Variants in ZFYVE26 observed in about 807,000 individuals in gnomAD.
The protein encoded by ZFYVE26 is zinc finger FYVE domain-containing protein 26.
Under a neutral mutation model 276.5 loss-of-function variants are expected in ZFYVE26, and 181 were observed. The observed-to-expected ratio is 0.65, with a 90% CI of 0.58 to 0.74. The LOEUF (loss-of-function observed/expected upper bound fraction) is 0.74, where lower values mean the gene tolerates loss of function less well. Among genes scored for constraint, ZFYVE26 ranks in the 30% least tolerant of loss-of-function variants. ZFYVE26 has a pLI of 0.00. For synonymous variants in ZFYVE26, 1,129 were observed against 1,203.1 expected, an observed-to-expected ratio of 0.94 and a Z score of 1.27; for missense variants, 2,821 against 3,097.9, an observed-to-expected ratio of 0.91 and a Z score of 2.12.
Position 67,775,914 on chromosome 14 carries a change from T to C in ZFYVE26, c.5167A>G (p.Arg1723Gly). 2 of 1,614,226 alleles carry C rather than the reference T, an allele frequency of 1.2e-6. No homozygotes were observed. The highest frequency in any genetic ancestry group is 1.7e-6 in the Non-Finnish European group (2 of 1,180,038). ...TMDEVDSLLS[R>G]YAEKALDFPY... The stretch of plus-strand genomic sequence containing the variant: ...AAGTCCAGGGCTTTCTCTGCGTATC[T>C]GGAAAGCAGTGAGTCCACCTCGTCC... Residue 1723 changes from arginine to glycine, a missense_variant, in exon 26 of 42, where the codon AGA becomes GGA. Physicochemically the swap from Arg to Gly is moderately radical, Grantham distance 125 (BLOSUM62 -2). Coordinates refer to ENST00000347230, the MANE Select transcript of ZFYVE26 (RefSeq NM_015346.4).
intron 13 of ZFYVE26, among the ~76,000 whole-genome samples, chr14:67,736,161 C>T (rs934980185): frequency 3.9e-5 from 6 of 152,300 alleles, no homozygotes; most frequent in Non-Finnish European, 5.9e-5. Context: ...AGAACTCAAG[C>T]GCCAAGCAAC....
chr14:67,745,984 C>T (rs1046017176), downstream of ZFYVE26, among the ~76,000 whole-genome samples: 4 of 134,350 alleles, frequency 3.0e-5, no homozygotes, highest in African/African-American at 8.7e-5. Context: ...AAAGAAGAAA[C>T]CTTTCACCCA....
chr14:67,779,883 A>G (rs1266646484), intron 23 of ZFYVE26, among the ~76,000 whole-genome samples: 7 of 152,190 alleles, frequency 4.6e-5, no homozygotes, highest in Admixed American at 4.6e-4. Context: ...ATTTTATTTT[A>G]TTTTTTGAGA....
chr14:67,813,871 G>GAGT (rs1445826371), intron 3 of ZFYVE26, 115 bp downstream of exon 3: 29 of 779,426 alleles, frequency 3.7e-5, no homozygotes, highest in Non-Finnish European at 6.3e-5. Flanking sequence ...CTTTGAGAAT[G>GAGT]AGTATGATGA....
In ZFYVE26 at chr14:67,747,408, T is replaced by C. The variant is rs2038511719; in HGVS notation, c.*1028A>G. 1 of 152,162 alleles carries C rather than the reference T, an allele frequency of 6.6e-6. No individual in the cohort carries two copies. Among genetic ancestry groups the C allele is most frequent in the Non-Finnish European group, 1.5e-5 (1 of 68,038 alleles). 9.4% of individuals were successfully genotyped at this position (152,162 alleles called of 1,614,324 possible). On this transcript the variant is annotated 3_prime_UTR_variant, in exon 42 of 42. Coordinates refer to ENST00000347230, the MANE Select transcript of ZFYVE26 (RefSeq NM_015346.4). ...ACCCCACATGTCTGCATATCCATCC[T>C]GTGGTCCTGAAGAGACTGAAGGGAA...
intron 41 of ZFYVE26, chr14:67,750,720 C>G (rs1268357617): frequency 7.5e-6 from 3 of 398,466 alleles, no homozygotes; most frequent in African/African-American, 2.0e-5. Flanking sequence ...TCCATCAGTC[C>G]ACCCAAAGAT....
chr14:67,750,536 G>A (rs2038608724), intron 41 of ZFYVE26: 2 of 186,470 alleles, frequency 1.1e-5, no homozygotes, highest in Admixed American at 5.4e-5. Flanking sequence ...GGGAAGCAAA[G>A]GTTCACCATT....
rs181571 is a variant in ZFYVE26 at position 67,807,557 on chromosome 14, G to T, written c.727C>A (p.Leu243Ile). 6.2e-7 allele frequency: 1 copy of T among 1,614,212 alleles called. No homozygotes were observed. The highest frequency in any genetic ancestry group is 8.5e-7 in the Non-Finnish European group (1 of 1,180,030). ...GVELHLLCEE[L>I]LEACRTEGSP... is the part of the protein sequence containing the mutation. ...CCCTCGGTCCTGCAGGCCTCTAGTA[G>T]TTCCTCACACAGGAGATGCAACTCA... The change falls in exon 5 of 42, where the codon CTA (leucine) becomes ATA (isoleucine). Residue 243 changes from leucine (L) to isoleucine (I), a missense_variant. Leu to Ile is a conservative substitution (Grantham distance 5, BLOSUM62 2). Transcript: ENST00000347230.
chr14:67,741,385 T>C (rs1160864289), intron 13 of ZFYVE26, among the ~76,000 whole-genome samples: 1 of 152,204 alleles, frequency 6.6e-6, no homozygotes, highest in Non-Finnish European at 1.5e-5. Flanking sequence ...GGAGCCCTTC[T>C]TGCCTGGGTC....
At chr14:67,775,296 C>T (rs892539114) in intron 26 of ZFYVE26, among the ~76,000 whole-genome samples, 182 bp from the exon 27 acceptor site, 30 of 151,996 alleles carry the variant, frequency 2.0e-4, no homozygotes, top group Non-Finnish European at 4.0e-4. Flanking sequence ...TTAAACGCCT[C>T]GAAAAACAAA....
At chr14:67,799,024 T>A (rs796629408) in intron 10 of ZFYVE26, 4 of 1,165,680 alleles carry the variant, frequency 3.4e-6, no homozygotes, top group African/African-American at 1.5e-5. Context: ...GAAAAGTCTA[T>A]TCCGTTCCCA....
rs764592166 is a variant in ZFYVE26, at chr14:67,762,339, T to C, written c.6233A>G (p.Asn2078Ser). ...GAACTTCTCCCGTGCAGCAGTGAGG[T>C]TCCCGGCTTTGAGGCAGGCCATGCC... ...AWGMACLKAGNLTAAREKFSR... is the reference protein window; with the variant it reads ...AWGMACLKAGSLTAAREKFSR... The change falls in exon 34 of 42, where the codon AAC (asparagine) becomes AGC (serine). Residue 2078 changes from asparagine to serine, a missense_variant. Physicochemically the swap from Asn to Ser is conservative, Grantham distance 46. Transcript: ENST00000347230. 7.4e-6 allele frequency: 12 copies of C among 1,614,168 alleles called. No homozygotes were observed. Among genetic ancestry groups the C allele is most frequent in the South Asian group, 1.1e-5 (1 of 91,088 alleles).
At position 67,807,831 on chromosome 14, in the gene ZFYVE26, G is replaced by A. The variant is rs75391113; in HGVS notation, c.453C>T (p.Ser151=). The A allele has an allele frequency of 2.4e-3, 3,906 of 1,613,986 alleles. 138 individuals carry two copies. In the East Asian group the frequency reaches 0.071, roughly 30 times the overall value. ...GATCCCAGAGCACAGAGACAGCTTC[G>A]GAGCTGAGACGAGGAGTCCAGCTCT... The part of the protein sequence containing the change: ...RRESWTPRLS[S]EAVSVLWDLL... Residue 151 remains serine, a synonymous_variant, in exon 5 of 42, where the codon TCC becomes TCT. Coordinates refer to ENST00000347230, the MANE Select transcript of ZFYVE26 (RefSeq NM_015346.4).
intron 28 of ZFYVE26, 131 bp downstream of exon 28, chr14:67,771,916 T>A: frequency 8.0e-7 from 1 of 1,249,062 alleles, no homozygotes; most frequent in Non-Finnish European, 1.1e-6. Flanking sequence ...GAACCCAAAG[T>A]CTTAGATTTG....
At chr14:67,780,162 A>G in intron 23 of ZFYVE26, 79 bp downstream of exon 23, 1 of 1,281,178 alleles carries the variant, frequency 7.8e-7, no homozygotes, top group Non-Finnish European at 1.1e-6. Flanking sequence ...TGATATGCAG[A>G]AAGGGGCTTA....
chr14:67,775,259 C>T (rs759725301), intron 26 of ZFYVE26, 145 bp from the exon 27 acceptor site: 6 of 581,892 alleles, frequency 1.0e-5, no homozygotes, highest in Non-Finnish European at 1.5e-5. Flanking sequence ...GGAGGAGGTA[C>T]CTCTAAGCCC....
At position 67,756,252 on chromosome 14, in the gene ZFYVE26, A is replaced by G. The variant is rs192465147; in HGVS notation, c.6589-107T>C. The stretch of plus-strand genomic sequence containing the variant: ...TTGATGAACCTTCAGCATCCTCCCA[A>G]TGCAGTGCTTCTTAATCTTTTATGT... On this transcript the variant is annotated intron_variant, in intron 35 of 41. Transcript: ENST00000347230. 5.3e-4 allele frequency: 585 copies of G among 1,113,046 alleles called. 6 individuals carry two copies. In the Admixed American group the frequency reaches 8.6e-3, roughly 16 times the overall value. The allele number at this position is 1,113,046 out of a possible 1,614,324, so 68.9% of individuals were successfully genotyped here.
intron 22 of ZFYVE26, among the ~76,000 whole-genome samples, chr14:67,780,898 A>G (rs2039480987): frequency 6.6e-6 from 1 of 152,180 alleles, no homozygotes; most frequent in African/African-American, 2.4e-5. Flanking sequence ...AAGCCTCTTG[A>G]GCTTGAACAT....
At chr14:67,798,868 G>A in intron 10 of ZFYVE26, 1 of 856,326 alleles carries the variant, frequency 1.2e-6, no homozygotes, top group Non-Finnish European at 1.8e-6. Flanking sequence ...GGCCAACCGG[G>A]CCTCCCCAGC....
Sources: gnomAD v4.1 joint callset for allele counts (sites outside exome capture counted in the v4.1 genomes callset) on GRCh38, gnomAD v4.1.1 for gene constraint, MANE v1.5 for transcripts, NCBI Gene and HGNC (gene_info 2026-07-23, HGNC 2026-07-21) for gene names.